KCNT1: variants seen among roughly 807,000 people sequenced by gnomAD.
The protein encoded by KCNT1 is potassium sodium-activated channel subfamily T member 1.
Under a neutral mutation model 147.8 loss-of-function variants are expected in KCNT1, and 78 were observed. The observed-to-expected ratio is 0.53, with a 90% confidence interval of 0.44 to 0.64. KCNT1 has a LOEUF of 0.64. Among genes scored for constraint, KCNT1 ranks in the 30% least tolerant of loss-of-function variants. KCNT1 has a pLI of 0.00. For synonymous variants in KCNT1, 867 were observed against 748.8 expected (o/e 1.16, Z -2.58); for missense variants, 1,419 against 1,750.3 (o/e 0.81, Z 3.38).
chr9:135,794,142 T>C lies in KCNT1; in HGVS notation c.*1981T>C, dbSNP rs564006893. The C allele has an allele frequency of 6.6e-6, 1 of 152,490 alleles. No individual in the cohort carries two copies. Among genetic ancestry groups the C allele is most frequent in the Non-Finnish European group, 1.5e-5 (1 of 68,166 alleles). The allele number at this position is 152,490 out of a possible 1,614,324, so 9.4% of individuals were successfully genotyped here. A position where few individuals can be genotyped will look rare whatever the true frequency, so the allele number is the denominator to read the frequency against. On this transcript the variant is annotated 3_prime_UTR_variant, in exon 31 of 31. Coordinates refer to ENST00000371757, the MANE Select transcript of KCNT1 (RefSeq NM_020822.3). ...GTTCCAGCAGTGGCAGGGGAAGCTG[T>C]AGCCCCTGGAGCCCCACACTGGAAG...
At chr9:135,722,540 G>T (rs1835966044) in intron 2 of KCNT1, among the ~76,000 whole-genome samples, 1 of 152,238 alleles carries the variant, frequency 6.6e-6, no homozygotes, top group Admixed American at 6.5e-5. Context: ...AATGGAATGG[G>T]TGTAAGTGTG....
intron 11 of KCNT1, among the ~76,000 whole-genome samples, chr9:135,761,521 C>A (rs1352634986): frequency 1.3e-5 from 2 of 152,250 alleles, no homozygotes; most frequent in Non-Finnish European, 2.9e-5. Flanking sequence ...ACCTCAAATT[C>A]TTTACCTTAA....
chr9:135,765,525 G>C, intron 12 of KCNT1, 99 bp from the exon 13 acceptor site: 2 of 1,309,410 alleles, frequency 1.5e-6, no homozygotes, highest in Non-Finnish European at 2.1e-6. Context: ...TGAGCTCTAG[G>C]GCCCAGAGGT....
At chr9:135,747,271 G>T (rs1166445615) in intron 2 of KCNT1, among the ~76,000 whole-genome samples, 1 of 151,934 alleles carries the variant, frequency 6.6e-6, no homozygotes, top group Non-Finnish European at 1.5e-5. Flanking sequence ...AGGGTGGGAG[G>T]CAGTAGGAGC....
chr9:135,722,055 G>T (rs1410666230), intron 2 of KCNT1, among the ~76,000 whole-genome samples: 1 of 152,206 alleles, frequency 6.6e-6, no homozygotes, highest in East Asian at 1.9e-4. Context: ...CACAGAGGCT[G>T]TCGGTGACCA....
chr9:135,780,416 G>A (rs978766414), intron 24 of KCNT1, among the ~76,000 whole-genome samples: 1 of 152,222 alleles, frequency 6.6e-6, no homozygotes, highest in African/African-American at 2.4e-5. Flanking sequence ...ACACACACGG[G>A]CACTCCCTGC....
At chr9:135,744,726 C>T (rs1049543847) in intron 2 of KCNT1, among the ~76,000 whole-genome samples, 1 of 152,198 alleles carries the variant, frequency 6.6e-6, no homozygotes, top group African/African-American at 2.4e-5. Flanking sequence ...AGGGCCAGGG[C>T]CAGGGCCAGG....
Position 135,730,435 on chromosome 9 carries a change from T to C in KCNT1, c.254+15715T>C, listed in dbSNP as rs1836385109. ...GGAGGGCCTTGAAGATGGGAAATTA[T>C]CGTGGATGATCTGGGTGAGCCAAGA... On this transcript the variant is annotated intron_variant, in intron 2 of 30. Transcript: ENST00000371757. This position sits in a 1 kb window ranked among gnomAD's most constrained non-coding sequence, Gnocchi z 4.7. 6.6e-6 allele frequency among the ~76,000 whole-genome samples: 1 copy of C among 152,206 alleles called. No individual in the cohort carries two copies.
intron 4 of KCNT1, 119 bp from the exon 5 acceptor site, chr9:135,753,818 C>A: frequency 1.0e-6 from 1 of 987,682 alleles, no homozygotes; most frequent in Non-Finnish European, 1.6e-6. Context: ...TGGGGGTTAG[C>A]CCCGGGTGGG....
chr9:135,741,710 G>A (rs1005645484), intron 2 of KCNT1, among the ~76,000 whole-genome samples: 1 of 152,266 alleles, frequency 6.6e-6, no homozygotes, highest in African/African-American at 2.4e-5. Context: ...CCTGGCGTAG[G>A]CCGATGAGCG....
chr9:135,736,389 A>G (rs1830335179), intron 2 of KCNT1: 1 of 151,906 alleles, frequency 6.6e-6, no homozygotes, highest in Admixed American at 6.5e-5. Flanking sequence ...CATTGTTACC[A>G]TTGCTTGGCT....
At chr9:135,745,973 C>T (rs1830812024) in intron 2 of KCNT1, among the ~76,000 whole-genome samples, 1 of 152,246 alleles carries the variant, frequency 6.6e-6, no homozygotes, top group African/African-American at 2.4e-5. Context: ...CCGGGTCGGC[C>T]TAGAGCTGAC....
chr9:135,791,626 C>T (rs1187837040), intron 29 of KCNT1, 171 bp from the exon 30 acceptor site: 18 of 615,906 alleles, frequency 2.9e-5, no homozygotes, highest in Non-Finnish European at 4.9e-5. Context: ...GGACAGGTGT[C>T]GGTCAGGGAT....
At position 135,759,703 on chromosome 9, in the gene KCNT1, G is replaced by A. The variant is rs557092185; in HGVS notation, c.879G>A (p.Glu293=). The A allele has an allele frequency of 9.9e-6, 16 of 1,611,162 alleles. No homozygotes were observed. In the East Asian group the frequency reaches 1.8e-4, roughly 18 times the overall value. Reference sequence around the variant, plus strand: ...GGACCTGCGGCATCCAGCACCTGGAGCGGGCGGGCGAGAACCTGTCCCTCC... The same window carrying A: ...GGACCTGCGGCATCCAGCACCTGGAACGGGCGGGCGAGAACCTGTCCCTCC... ...FTGTCGIQHL[E]RAGENLSLLT... Residue 293 remains glutamate, a synonymous_variant, in exon 11 of 31, where the codon GAG becomes GAA. Transcript: ENST00000371757.
Position 135,720,421 on chromosome 9 carries a change from G to A in KCNT1, c.254+5701G>A, listed in dbSNP as rs146403924. Among the ~76,000 whole-genome samples, 822 of 152,184 alleles carry A rather than the reference G, an allele frequency of 5.4e-3. 4 individuals are homozygous for A. The highest frequency in any genetic ancestry group is 0.031 in the Middle Eastern group (9 of 292). ...AAGTGCCTTGAGACCTGGGTGACTC[G>A]GTGTGCTGAGGGCCTTCTAGAATCA... On this transcript the variant is annotated intron_variant, in intron 2 of 30. Transcript: ENST00000371757.
At chr9:135,709,842 A>G (rs538222598) in intron 1 of KCNT1, among the ~76,000 whole-genome samples, 1 of 152,254 alleles carries the variant, frequency 6.6e-6, no homozygotes, top group East Asian at 1.9e-4. Context: ...CACCACAACC[A>G]GCTAATTTTT....
intron 25 of KCNT1, 36 bp downstream of exon 25, chr9:135,784,161 G>C: frequency 1.3e-6 from 2 of 1,518,264 alleles, no homozygotes; most frequent in Non-Finnish European, 1.8e-6. Flanking sequence ...GGTGGCGCCT[G>C]GGTGGGACCC....
At position 135,792,325 on chromosome 9, in the gene KCNT1, G is replaced by T. The variant is rs1564402671; in HGVS notation, c.*164G>T. 1 of 897,872 alleles carries T rather than the reference G, an allele frequency of 1.1e-6. No individual in the cohort carries two copies. The highest frequency in any genetic ancestry group is 1.6e-6 in the Non-Finnish European group (1 of 615,406). The allele number at this position is 897,872 out of a possible 1,614,324, so 55.6% of individuals were successfully genotyped here. Reference sequence around the variant, plus strand: ...TGGAAAGGAGCCCCTCATGCGGGGGGAGGGCCAGCTCACCCCTGGGCACCT... The same window carrying T: ...TGGAAAGGAGCCCCTCATGCGGGGGTAGGGCCAGCTCACCCCTGGGCACCT... On this transcript the variant is annotated 3_prime_UTR_variant, in exon 31 of 31. Transcript: ENST00000371757.
chr9:135,756,831 C>T, intron 6 of KCNT1, 42 bp from the exon 7 acceptor site: 1 of 1,582,438 alleles, frequency 6.3e-7, no homozygotes, highest in Non-Finnish European at 8.7e-7. Context: ...CCAGCCCCAG[C>T]CCCGGCCTGC....
Sources: gnomAD v4.1 joint callset for allele counts (sites outside exome capture counted in the v4.1 genomes callset) on GRCh38, gnomAD v4.1.1 for gene constraint, Gnocchi (gnomAD v3.1) non-coding constraint, MANE v1.5 for transcripts, NCBI Gene and HGNC (gene_info 2026-07-23, HGNC 2026-07-21) for gene names.